EYS: variants seen among roughly 807,000 people sequenced by gnomAD.
EYS encodes the protein EGF-like photoreceptor maintenance factor.
Under a neutral mutation model 282.1 loss-of-function variants are expected in EYS, and 250 were observed. The ratio of observed to expected loss-of-function variants is 0.89; its 90% CI spans 0.80 to 0.98. The LOEUF is 0.98. EYS is among the 50% of genes least tolerant of loss of function. The pLI, the probability that EYS is intolerant of heterozygous loss-of-function variation, is 0.00. For missense variants in EYS, 4,016 were observed against 3,709.0 expected (o/e 1.08, Z -2.15); for synonymous variants, 1,355 against 1,282.9 (o/e 1.06, Z -1.20).
chr6:65,697,554 A>G (rs1434326992), intron 1 of EYS, among the ~76,000 whole-genome samples: 1 of 152,136 alleles, frequency 6.6e-6, no homozygotes, highest in Non-Finnish European at 1.5e-5. Context: ...AAAACACAAC[A>G]GCTCTGCATT....
At chr6:64,893,312 C>G (rs896489545) in intron 18 of EYS, among the ~76,000 whole-genome samples, 2 of 151,994 alleles carry the variant, frequency 1.3e-5, no homozygotes, top group Admixed American at 1.3e-4. Flanking sequence ...TTAATTGTTG[C>G]AGGCCACAGT....
chr6:64,940,642 TTAACTAATCC>T (rs1769058670), intron 15 of EYS, among the ~76,000 whole-genome samples: 1 of 152,072 alleles, frequency 6.6e-6, no homozygotes, highest in Admixed American at 6.6e-5. Context: ...TTATATATCT[TTAACTAATCC>T]TAACTACTGG....
At chr6:65,678,605 G>A (rs1483779409) in intron 1 of EYS, among the ~76,000 whole-genome samples, 1 of 151,874 alleles carries the variant, frequency 6.6e-6, no homozygotes, top group African/African-American at 2.4e-5. Context: ...ACAGACAAGT[G>A]AGACTGTGTC....
At chr6:65,589,940 C>T (rs1401681338) in intron 2 of EYS, among the ~76,000 whole-genome samples, 1 of 151,838 alleles carries the variant, frequency 6.6e-6, no homozygotes, top group African/African-American at 2.4e-5. Context: ...ATAATGTCTA[C>T]AATTGTTAAA....
chr6:64,568,277 A>G (rs1765621420), intron 26 of EYS, among the ~76,000 whole-genome samples: 1 of 152,204 alleles, frequency 6.6e-6, no homozygotes, highest in Non-Finnish European at 1.5e-5. Context: ...AGAGGAAAGT[A>G]AGACCCATGA....
At chr6:65,169,950 A>G (rs1160130709) in intron 12 of EYS, among the ~76,000 whole-genome samples, 1 of 151,572 alleles carries the variant, frequency 6.6e-6, no homozygotes, top group East Asian at 2.0e-4. Flanking sequence ...ATTGCCTTGA[A>G]TTGTATGCAA....
intron 31 of EYS, among the ~76,000 whole-genome samples, chr6:64,205,512 G>A (rs1474890307): frequency 6.6e-6 from 1 of 152,114 alleles, no homozygotes; most frequent in Non-Finnish European, 1.5e-5. Context: ...GCTAGTTGAA[G>A]TTTTATGCTT....
chr6:65,349,345 C>T lies in EYS; in HGVS notation c.1459+4113G>A, dbSNP rs1414084194. On this transcript the variant is annotated intron_variant, in intron 9 of 42. Coordinates refer to ENST00000503581, the MANE Select transcript of EYS (RefSeq NM_001142800.2). ...ACTTGGCTTTATTTGTCTTTTATTC[C>T]ATGTGAACATTAAGAAATAAGATGT... 3.3e-5 allele frequency among the ~76,000 whole-genome samples: 5 copies of T among 151,524 alleles called. No homozygotes were observed. In the East Asian group the frequency reaches 9.7e-4, roughly 29 times the overall value.
intron 41 of EYS, among the ~76,000 whole-genome samples, chr6:63,745,872 A>G (rs186590545): frequency 6.6e-6 from 1 of 152,316 alleles, no homozygotes; most frequent in Admixed American, 6.5e-5. Flanking sequence ...GTTGTAATCC[A>G]GTAGAATTAG....
At chr6:64,191,395 A>C (rs889662995) in intron 31 of EYS, among the ~76,000 whole-genome samples, 2 of 152,122 alleles carry the variant, frequency 1.3e-5, no homozygotes, top group African/African-American at 4.8e-5. Flanking sequence ...GGTTAGTTAC[A>C]TATGTATACA....
At chr6:65,259,811 C>G (rs900790535) in intron 12 of EYS, among the ~76,000 whole-genome samples, 2 of 151,908 alleles carry the variant, frequency 1.3e-5, no homozygotes, top group Non-Finnish European at 2.9e-5. Flanking sequence ...ACCAAAAGTA[C>G]AGAATAATGA....
chr6:65,596,075 C>A (rs1188737173), intron 2 of EYS, among the ~76,000 whole-genome samples: 4 of 151,936 alleles, frequency 2.6e-5, no homozygotes, highest in Non-Finnish European at 5.9e-5. Flanking sequence ...CTGAGGCCTG[C>A]CTATAGCTAC....
At chr6:63,772,463 A>C (rs894508186) in intron 40 of EYS, among the ~76,000 whole-genome samples, 7 of 152,272 alleles carry the variant, frequency 4.6e-5, no homozygotes, top group Admixed American at 2.0e-4. Flanking sequence ...TGTTATATAA[A>C]TATAATGCTA....
intron 26 of EYS, among the ~76,000 whole-genome samples, chr6:64,457,217 G>A (rs571502039): frequency 2.6e-5 from 4 of 152,036 alleles, no homozygotes; most frequent in Non-Finnish European, 4.4e-5. Context: ...ATACCACCAT[G>A]GTCGAAAATG....
At chr6:65,519,305 T>G (rs949370603) in intron 2 of EYS, among the ~76,000 whole-genome samples, 7 of 151,960 alleles carry the variant, frequency 4.6e-5, no homozygotes, top group Non-Finnish European at 7.4e-5. Context: ...TGTGTGTGTG[T>G]GTGGCGGTGG....
At chr6:65,310,043 C>A (rs1387164257) in intron 11 of EYS, among the ~76,000 whole-genome samples, 1 of 152,182 alleles carries the variant, frequency 6.6e-6, no homozygotes, top group Non-Finnish European at 1.5e-5. Flanking sequence ...TCCCATTGCA[C>A]TGGACTATAC....
chr6:64,811,138 A>G (rs1173826163), intron 22 of EYS, among the ~76,000 whole-genome samples: 3 of 152,096 alleles, frequency 2.0e-5, no homozygotes, highest in South Asian at 2.1e-4. Context: ...TTTGGTAAGT[A>G]AACTATCTAA....
At chr6:65,679,162 C>T (rs989868003) in intron 1 of EYS, among the ~76,000 whole-genome samples, 1 of 151,868 alleles carries the variant, frequency 6.6e-6, no homozygotes, top group East Asian at 1.9e-4. Context: ...ACATACTTAT[C>T]TAAAGTAACT....
At chr6:64,085,330 A>C (rs868840525) in intron 31 of EYS, among the ~76,000 whole-genome samples, 3 of 117,108 alleles carry the variant, frequency 2.6e-5, no homozygotes, top group Non-Finnish European at 5.1e-5. Flanking sequence ...GCGCGTGCGC[A>C]CGTGCGCGCG....
Sources: gnomAD v4.1 joint callset for allele counts (sites outside exome capture counted in the v4.1 genomes callset) on GRCh38, gnomAD v4.1.1 for gene constraint, MANE v1.5 for transcripts, NCBI Gene and HGNC (gene_info 2026-07-23, HGNC 2026-07-21) for gene names.